Variants in LNPEP observed in about 807,000 individuals in gnomAD.
The protein encoded by LNPEP is leucyl-cystinyl aminopeptidase.
A neutral mutation model predicts 120.6 loss-of-function variants in LNPEP; 64 were observed. That is an observed-to-expected ratio of 0.53 (90% CI 0.43 to 0.65). LNPEP has a LOEUF of 0.65. LNPEP is among the 30% of genes least tolerant of loss of function. LNPEP has a pLI of 0.00. For synonymous variants in LNPEP, 435 were observed against 425.4 expected (o/e 1.02, Z -0.28); for missense variants, 1,057 against 1,200.0 (o/e 0.88, Z 1.76).
At chr5:96,956,831 CTTTCT>C (rs1431715855) in intron 1 of LNPEP, among the ~76,000 whole-genome samples, 2 of 152,090 alleles carry the variant, frequency 1.3e-5, no homozygotes, top group Non-Finnish European at 2.9e-5. Context: ...TTTCCTCAAT[CTTTCT>C]TTTCTCTGTG....
intron 1 of LNPEP, chr5:96,943,235 AAAG>A (rs373254587): frequency 0.018 from 1,682 of 91,660 alleles, 20 homozygotes; most frequent in Non-Finnish European, 0.025. Flanking sequence ...AAAAAAAAAA[AAAG>A]AAAACTATAG....
intron 7 of LNPEP, 66 bp downstream of exon 7, chr5:96,996,569 A>G (rs1211285759): frequency 2.3e-6 from 2 of 863,208 alleles, no homozygotes; most frequent in South Asian, 1.4e-5. Context: ...TCACATTTTC[A>G]TGTATTTTCT....
At chr5:97,010,405 CAT>C in intron 11 of LNPEP, 1 of 984,240 alleles carries the variant, frequency 1.0e-6, no homozygotes, top group Non-Finnish European at 1.2e-6. Context: ...AAATATTTAT[CAT>C]GTGCCATTCT....
At chr5:96,961,538 A>T (rs1037865095) in intron 1 of LNPEP, among the ~76,000 whole-genome samples, 4 of 152,136 alleles carry the variant, frequency 2.6e-5, no homozygotes, top group African/African-American at 7.2e-5. Flanking sequence ...GCTATTTTTT[A>T]AAAAAGCTTC....
chr5:97,009,682 TTGC>T (rs10615639), intron 11 of LNPEP, among the ~76,000 whole-genome samples: 76,054 of 151,588 alleles, frequency 0.5, 19,251 homozygotes, highest in Middle Eastern at 0.58. Flanking sequence ...GTTATTTCCC[TTGC>T]TGCTGCTGCT....
At chr5:96,943,911 T>C (rs1425436349) in intron 1 of LNPEP, among the ~76,000 whole-genome samples, 1 of 152,236 alleles carries the variant, frequency 6.6e-6, no homozygotes, top group Non-Finnish European at 1.5e-5. Flanking sequence ...TGAATTTCTC[T>C]GGATTGTGGG....
chr5:97,028,176 G>T (rs1305623035), intron 17 of LNPEP, among the ~76,000 whole-genome samples: 1 of 152,164 alleles, frequency 6.6e-6, no homozygotes, highest in Non-Finnish European at 1.5e-5. Context: ...TTAGAAAAAT[G>T]TATCTGTGTG....
At position 97,028,518 on chromosome 5, in the gene LNPEP, C is replaced by T; in HGVS notation, c.3063C>T (p.Leu1021=). 4.3e-6 allele frequency: 7 copies of T among 1,613,822 alleles called. No individual in the cohort carries two copies. The highest frequency in any genetic ancestry group is 5.1e-6 in the Non-Finnish European group (6 of 1,179,790). The change falls in exon 18 of 18, where the codon CTC becomes CTT. Residue 1021 remains leucine (L), a synonymous_variant. Coordinates refer to ENST00000231368, the MANE Select transcript of LNPEP (RefSeq NM_005575.3). ...GGATGGAGAAGAACCTCAAAAGTCT[C>T]ACATGGTGGCTGTAGCATGCACAAC... The part of the protein sequence containing the change: ...IQWMEKNLKS[L]TWWL
chr5:96,953,064 C>G (rs1236808047), intron 1 of LNPEP, among the ~76,000 whole-genome samples: 2 of 152,018 alleles, frequency 1.3e-5, no homozygotes, highest in African/African-American at 4.8e-5. Flanking sequence ...TAGGATTGAT[C>G]TGCTTTCTCA....
At position 96,979,639 on chromosome 5, in the gene LNPEP, C is replaced by T; in HGVS notation, c.521C>T (p.Pro174Leu). 6.2e-7 allele frequency: 1 copy of T among 1,614,072 alleles called. No individual in the cohort carries two copies. The highest frequency in any genetic ancestry group is 8.5e-7 in the Non-Finnish European group (1 of 1,179,974). ...ATCAGGCTTCCCACTGCCGTTGTGC[C>T]ACTACGCTATGAACTCAGCCTACAC... is the stretch of plus-strand genomic sequence containing the variant. ...AQIRLPTAVVPLRYELSLHPN... is the reference protein window; with the variant it reads ...AQIRLPTAVVLLRYELSLHPN... Residue 174 changes from proline to leucine, a missense_variant, in exon 2 of 18, where the codon CCA becomes CTA. Physicochemically the swap from Pro to Leu is moderately conservative, Grantham distance 98 (BLOSUM62 -3). Transcript: ENST00000231368.
chr5:97,006,191 T>C lies in LNPEP; in HGVS notation c.1904T>C (p.Phe635Ser). 6.2e-7 allele frequency: 1 copy of C among 1,604,792 alleles called. No individual in the cohort carries two copies. Among genetic ancestry groups the C allele is most frequent in the Non-Finnish European group, 8.5e-7 (1 of 1,176,584 alleles). Reference sequence around the variant, plus strand: ...GAACTTTTTATACAACAAGAGAGATTCTTTTTAAATATGAAGCCTGAAATT... The same window carrying C: ...GAACTTTTTATACAACAAGAGAGATCCTTTTTAAATATGAAGCCTGAAATT... ...GKELFIQQER[F>S]FLNMKPEIQP... is the part of the protein sequence containing the mutation. Residue 635 changes from phenylalanine to serine, a missense_variant, in exon 10 of 18, where the codon TTC becomes TCC. Transcript: ENST00000231368.
chr5:97,010,743 G>A, intron 11 of LNPEP: 1 of 985,318 alleles, frequency 1.0e-6, no homozygotes, highest in Non-Finnish European at 1.2e-6. Flanking sequence ...GAAAATTGAA[G>A]TGTTAATCTG....
At chr5:96,962,032 C>T (rs1174339978) in intron 1 of LNPEP, among the ~76,000 whole-genome samples, 2 of 152,092 alleles carry the variant, frequency 1.3e-5, no homozygotes, top group East Asian at 3.8e-4. Flanking sequence ...TTGTAGAAAC[C>T]ACAGTGTCAA....
chr5:96,944,560 C>CTT (rs60017687), intron 1 of LNPEP, among the ~76,000 whole-genome samples: 742 of 56,352 alleles, frequency 0.013, 167 homozygotes, highest in African/African-American at 0.019. Context: ...CTTATTTTTG[C>CTT]TTTTTTTTTT....
intron 1 of LNPEP, among the ~76,000 whole-genome samples, chr5:96,941,726 C>G (rs1294863864): frequency 6.6e-6 from 1 of 152,094 alleles, no homozygotes; most frequent in Admixed American, 6.5e-5. Context: ...GGACAGGATT[C>G]CCTTGTAACC....
At chr5:96,947,772 A>G (rs1581975841) in intron 1 of LNPEP, among the ~76,000 whole-genome samples, 1 of 152,192 alleles carries the variant, frequency 6.6e-6, no homozygotes, top group African/African-American at 2.4e-5. Context: ...CAACCAGAAA[A>G]CTAAATACAG....
At chr5:96,998,899 A>G (rs1326040019) in intron 8 of LNPEP, among the ~76,000 whole-genome samples, 2 of 152,192 alleles carry the variant, frequency 1.3e-5, no homozygotes, top group Non-Finnish European at 2.9e-5. Context: ...GTTGGCTTAA[A>G]TAATTAAAAT....
rs1165452645 is a variant in LNPEP at position 97,028,564 on chromosome 5, A to G, written c.*31A>G. 1 of 1,610,196 alleles carries G rather than the reference A, an allele frequency of 6.2e-7. No individual in the cohort carries two copies. The highest frequency in any genetic ancestry group is 2.2e-5 in the East Asian group (1 of 44,778). Reference sequence around the variant, plus strand: ...ACAACCGCACCTCATTTTGTTGCCCATTCAGAGAGCTTGTAAGCTTGGGCT... The same window carrying G: ...ACAACCGCACCTCATTTTGTTGCCCGTTCAGAGAGCTTGTAAGCTTGGGCT... On this transcript the variant is annotated 3_prime_UTR_variant, in exon 18 of 18. Coordinates refer to ENST00000231368, the MANE Select transcript of LNPEP (RefSeq NM_005575.3).
At chr5:97,022,159 C>T (rs1582034802) in intron 13 of LNPEP, 141 bp from the exon 14 acceptor site, 1 of 588,452 alleles carries the variant, frequency 1.7e-6, no homozygotes, top group Admixed American at 3.2e-5. Context: ...AAACTCCTGA[C>T]CTCAGGTGAT....
Sources: gnomAD v4.1 joint callset for allele counts (sites outside exome capture counted in the v4.1 genomes callset) on GRCh38, gnomAD v4.1.1 for gene constraint, MANE v1.5 for transcripts, NCBI Gene and HGNC (gene_info 2026-07-23, HGNC 2026-07-21) for gene names.